RO60: variants seen among roughly 807,000 people sequenced by gnomAD.
RO60 encodes Ro60, Y RNA binding protein, also known as RNA-binding protein RO60.
A neutral mutation model predicts 55.3 loss-of-function variants in RO60; 20 were observed. That is an observed-to-expected ratio of 0.36 (90% CI 0.25 to 0.53). The LOEUF is 0.53. Among genes scored for constraint, RO60 ranks in the 20% least tolerant of loss-of-function variants. The pLI is 0.92. For synonymous variants in RO60, 213 were observed against 213.6 expected, an observed-to-expected ratio of 1.00 and a Z score of 0.02; for missense variants, 558 against 646.6, an observed-to-expected ratio of 0.86 and a Z score of 1.49.
At chr1:193,067,860 A>G (rs1174453778) in intron 1 of RO60, among the ~76,000 whole-genome samples, 8 of 152,326 alleles carry the variant, frequency 5.3e-5, no homozygotes, top group Non-Finnish European at 4.4e-5. Context: ...GGATACATTT[A>G]TGACATAATA....
chr1:193,073,886 C>A (rs10801171), intron 2 of RO60, among the ~76,000 whole-genome samples: 11 of 125,644 alleles, frequency 8.8e-5, no homozygotes, highest in African/African-American at 3.1e-4. Context: ...ATCCCTCCCC[C>A]CTCCCCCCAC....
intron 2 of RO60, among the ~76,000 whole-genome samples, chr1:193,071,097 T>A (rs961635729): frequency 6.6e-6 from 1 of 152,140 alleles, no homozygotes; most frequent in African/African-American, 2.4e-5. Flanking sequence ...CATCAGATTC[T>A]CATAAGGAGA....
intron 1 of RO60, among the ~76,000 whole-genome samples, chr1:193,060,816 T>C (rs969779398): frequency 6.6e-6 from 1 of 152,216 alleles, no homozygotes; most frequent in Non-Finnish European, 1.5e-5. Flanking sequence ...CTGTACAGTA[T>C]ATTTCCTTGA....
intron 2 of RO60, among the ~76,000 whole-genome samples, chr1:193,074,422 C>T (rs1355265763): frequency 2.6e-5 from 4 of 152,098 alleles, no homozygotes; most frequent in Admixed American, 6.6e-5. Flanking sequence ...TTTTAATGAT[C>T]GTCATTCTAA....
Position 193,073,428 on chromosome 1 carries a change from A to G in RO60, c.581-2392A>G, listed in dbSNP as rs1558242719. ...TTTGTCATTATCTTTAAAAATCGAC[A>G]TAAAAACCCATATTCTGGCTTCTCT... On this transcript the variant is annotated intron_variant, in intron 2 of 8. Transcript: ENST00000400968. Among the ~76,000 whole-genome samples, 3 of 152,346 alleles carry G rather than the reference A, an allele frequency of 2.0e-5. No homozygotes were observed. The South Asian group carries it at 6.2e-4, about 32-fold the overall frequency.
At chr1:193,081,510 C>A in intron 6 of RO60, 30 bp downstream of exon 6, 1 of 1,326,160 alleles carries the variant, frequency 7.5e-7, no homozygotes, top group Non-Finnish European at 1.1e-6. Context: ...TTTTGCCATT[C>A]TAAAAACATG....
At chr1:193,082,462 G>T in intron 7 of RO60, 100 bp from the exon 8 acceptor site, 1 of 1,409,126 alleles carries the variant, frequency 7.1e-7, no homozygotes, top group East Asian at 2.4e-5. Context: ...GCAGGCTTTG[G>T]GAAGGCTGTA....
In RO60 at chr1:193,087,014, C is replaced by G. The variant is rs1309902891; in HGVS notation, c.*2283C>G. ...ATTCCTGTGCCAGAATTTATTTCCC[C>G]ACAACATGGGAATACATGGTCTCAG... is the stretch of plus-strand genomic sequence containing the variant. On this transcript the variant is annotated 3_prime_UTR_variant, in exon 9 of 9. Coordinates refer to ENST00000400968, the MANE Select transcript of RO60 (RefSeq NM_001173524.2). 6.6e-6 allele frequency: 1 copy of G among 151,952 alleles called. No individual in the cohort carries two copies. The highest frequency in any genetic ancestry group is 1.5e-5 in the Non-Finnish European group (1 of 67,966). 9.4% of individuals were successfully genotyped at this position (151,952 alleles called of 1,614,324 possible).
intron 5 of RO60, among the ~76,000 whole-genome samples, chr1:193,077,666 T>C (rs1003938929): frequency 1.3e-5 from 2 of 152,130 alleles, no homozygotes; most frequent in South Asian, 2.1e-4. Context: ...CAATTCAAGA[T>C]GAGATTTGGG....
intron 6 of RO60, 122 bp from the exon 7 acceptor site, chr1:193,082,062 AAC>A (rs1288390829): frequency 1.7e-5 from 12 of 707,466 alleles, no homozygotes; most frequent in Non-Finnish European, 3.0e-5. Context: ...ATAGTTCTAA[AAC>A]ACACTAATAA....
chr1:193,065,763 C>T (rs1673060652), intron 1 of RO60, among the ~76,000 whole-genome samples: 1 of 152,150 alleles, frequency 6.6e-6, no homozygotes, highest in Non-Finnish European at 1.5e-5. Context: ...ATGAATTTGT[C>T]CCTAATGACT....
At chr1:193,074,090 T>C (rs1673718539) in intron 2 of RO60, among the ~76,000 whole-genome samples, 2 of 152,182 alleles carry the variant, frequency 1.3e-5, no homozygotes, top group Admixed American at 6.5e-5. Context: ...GGCTGCATAG[T>C]ATTCCATGGT....
chr1:193,082,438 C>T, intron 7 of RO60, 124 bp from the exon 8 acceptor site: 1 of 1,366,440 alleles, frequency 7.3e-7, no homozygotes, highest in Admixed American at 2.3e-5. Flanking sequence ...AAGTACAAAA[C>T]CGAAAATATA....
At chr1:193,060,603 G>C (rs934900581) in intron 1 of RO60, among the ~76,000 whole-genome samples, 5 of 152,164 alleles carry the variant, frequency 3.3e-5, no homozygotes, top group Non-Finnish European at 5.9e-5. Flanking sequence ...TTGTGCTACA[G>C]ATTATGTGAA....
At position 193,084,669 on chromosome 1, in the gene RO60, A is replaced by G. The variant is rs1476445097; in HGVS notation, c.1555A>G (p.Met519Val). ...CCCAGATGATAGAGGCATGTTGGAT[A>G]TGTGCGGCTTTGATACTGGAGCTCT... ...ADPDDRGMLDMCGFDTGALDV... is the reference protein window; with the variant it reads ...ADPDDRGMLDVCGFDTGALDV... The change falls in exon 9 of 9, where the codon ATG (methionine) becomes GTG (valine). Residue 519 changes from methionine (M) to valine (V), a missense_variant. Transcript: ENST00000400968. The G allele has an allele frequency of 6.2e-7, 1 of 1,613,974 alleles. No homozygotes were observed. The highest frequency in any genetic ancestry group is 8.5e-7 in the Non-Finnish European group (1 of 1,179,920).
intron 8 of RO60, among the ~76,000 whole-genome samples, chr1:193,083,674 T>C (rs1674471871): frequency 6.6e-6 from 1 of 152,248 alleles, no homozygotes; most frequent in Non-Finnish European, 1.5e-5. Flanking sequence ...ACGTTGGGAC[T>C]GTGTTTTAAC....
intron 7 of RO60, 97 bp downstream of exon 7, chr1:193,082,396 CA>C: frequency 7.4e-7 from 1 of 1,347,112 alleles, no homozygotes; most frequent in Non-Finnish European, 1.0e-6. Flanking sequence ...TCTGTGAGAA[CA>C]AAATTTTTTT....
At position 193,089,621 on chromosome 1, in the gene RO60, C is replaced by G. The variant is rs2103090105; in HGVS notation, c.*4890C>G. The stretch of plus-strand genomic sequence containing the variant: ...GTGGAAAGAAAAAACTAGTGGAGAA[C>G]ATCTTAGAAAATTCTATTGTGGAAA... On this transcript the variant is annotated 3_prime_UTR_variant, in exon 9 of 9. Transcript: ENST00000400968. 1 of 152,034 alleles carries G rather than the reference C, an allele frequency of 6.6e-6. No homozygotes were observed. Among genetic ancestry groups the G allele is most frequent in the African/African-American group, 2.4e-5 (1 of 41,508 alleles). 9.4% of individuals were successfully genotyped at this position (152,034 alleles called of 1,614,324 possible).
rs188929716 is a variant in RO60 at position 193,069,598 on chromosome 1, C to T, written c.544C>T (p.Leu182=). The change falls in exon 2 of 9, where the codon CTA becomes TTA. Residue 182 remains leucine, a synonymous_variant. Coordinates refer to ENST00000400968, the MANE Select transcript of RO60 (RefSeq NM_001173524.2). The stretch of plus-strand genomic sequence containing the variant: ...GAGAAATGGCTGGTCTCACAAAGAT[C>T]TATTAAGATTGTCACATCTTAAACC... ...KQRNGWSHKD[L]LRLSHLKPSS... 1.2e-6 allele frequency: 2 copies of T among 1,613,822 alleles called. No individual in the cohort carries two copies. The highest frequency in any genetic ancestry group is 2.2e-5 in the East Asian group (1 of 44,870).
Sources: gnomAD v4.1 joint callset for allele counts (sites outside exome capture counted in the v4.1 genomes callset) on GRCh38, gnomAD v4.1.1 for gene constraint, MANE v1.5 for transcripts, NCBI Gene and HGNC (gene_info 2026-07-23, HGNC 2026-07-21) for gene names.